IGF2: variants seen among roughly 807,000 people sequenced by gnomAD.
The protein encoded by IGF2 is insulin-like growth factor 2.
Under a neutral mutation model 12.0 loss-of-function variants are expected in IGF2, and 2 were observed. The ratio of observed to expected loss-of-function variants is 0.17; its 90% CI spans 0.07 to 0.52. IGF2 has a LOEUF of 0.52. Ranked by LOEUF, IGF2 falls within the 20% of genes least tolerant of loss-of-function variation. The pLI is 0.95. For synonymous variants in IGF2, 105 were observed against 110.1 expected, an observed-to-expected ratio of 0.95 and a Z score of 0.29; for missense variants, 211 against 268.0, an observed-to-expected ratio of 0.79 and a Z score of 1.48.
the IGF2 span, chr11:2,148,420 G>A: frequency 1.3e-5 from 2 of 152,744 alleles, no homozygotes; most frequent in Non-Finnish European, 2.9e-5. The surrounding 1 kb of genome is among the most constrained non-coding windows in gnomAD (Gnocchi z 4.3). Flanking sequence ...AAACTGCCTT[G>A]GCCCCAGGGC....
In IGF2 at chr11:2,133,993, T is replaced by A; in HGVS notation, c.158-328A>T. ...CTCACAATGGGAGTGGTTTGGAAAATGTGTGGGATGTGAGCCCAGTTCAGG... is the reference window on the plus strand; with the variant it reads ...CTCACAATGGGAGTGGTTTGGAAAAAGTGTGGGATGTGAGCCCAGTTCAGG... On this transcript the variant is annotated intron_variant, in intron 2 of 3. Coordinates refer to ENST00000416167, the MANE Select transcript of IGF2 (RefSeq NM_000612.6). The surrounding 1 kb of genome is among the most constrained non-coding windows in gnomAD (Gnocchi z 8.9). The A allele has an allele frequency of 2.2e-6, 1 of 454,432 alleles. No homozygotes were observed. The highest frequency in any genetic ancestry group is 4.1e-6 in the Non-Finnish European group (1 of 241,982). 28.1% of individuals were successfully genotyped at this position (454,432 alleles called of 1,614,324 possible).
chr11:2,147,922 T>A, the IGF2 span: 1 of 740,986 alleles, frequency 1.3e-6, no homozygotes. This position sits in a 1 kb window ranked among gnomAD's most constrained non-coding sequence, Gnocchi z 7.2. Context: ...TTCCTTCAGG[T>A]CACCTTGTCA....
upstream of IGF2, chr11:2,140,721 G>A (rs1859521625): frequency 7.2e-6 from 3 of 419,418 alleles, no homozygotes; most frequent in South Asian, 3.4e-5. Context: ...GTCCGCAGCC[G>A]TGTCCCGCGC....
chr11:2,133,186 T>C lies in IGF2; in HGVS notation c.344A>G (p.Gln115Arg). The change falls in exon 4 of 4, where the codon CAA (glutamine) becomes CGA (arginine). Residue 115 changes from glutamine (Q) to arginine (R), a missense_variant. Physicochemically the swap from Gln to Arg is conservative, Grantham distance 43. This residue lies in a region of IGF2 where 141 missense variants were observed against 153.1 expected (regional missense o/e 0.92). Transcript: ENST00000416167. This position sits in a 1 kb window ranked among gnomAD's most constrained non-coding sequence, Gnocchi z 8.9. ...FPRYPVGKFF[Q>R]YDTWKQSTQR... is the part of the protein sequence containing the mutation. ...GGTGGACTGCTTCCAGGTGTCATAT[T>C]GGAAGAACTTGCCCACGGGGTATCT... is the stretch of plus-strand genomic sequence containing the variant. 6.3e-7 allele frequency: 1 copy of C among 1,575,588 alleles called. No homozygotes were observed. Among genetic ancestry groups the C allele is most frequent in the Non-Finnish European group, 8.6e-7 (1 of 1,158,968 alleles).
In IGF2 at chr11:2,129,124, T is replaced by G. The variant is rs1323633577; in HGVS notation, c.*3863A>C. ...AGTGGAACACTCAGAAGATCATGAC[T>G]TTTAATGCTTTATTGGGATTGCAAG... On this transcript the variant is annotated 3_prime_UTR_variant, in exon 4 of 4. Coordinates refer to ENST00000416167, the MANE Select transcript of IGF2 (RefSeq NM_000612.6). This position sits in a 1 kb window ranked among gnomAD's most constrained non-coding sequence, Gnocchi z 8.1. 1 of 180,552 alleles carries G rather than the reference T, an allele frequency of 5.5e-6. No individual in the cohort carries two copies. The highest frequency in any genetic ancestry group is 6.3e-5 in the Admixed American group (1 of 15,904). The allele number at this position is 180,552 out of a possible 1,614,324, so 11.2% of individuals were successfully genotyped here. A position where few individuals can be genotyped will look rare whatever the true frequency, so the allele number is the denominator to read the frequency against.
upstream of IGF2, chr11:2,140,212 C>A (rs572035729): frequency 1.2e-6 from 2 of 1,613,286 alleles, no homozygotes; most frequent in Non-Finnish European, 8.5e-7. Context: ...ATAATGGTTA[C>A]CCCGTCCTCA....
Position 2,130,790 on chromosome 11 carries a change from C to G in IGF2, c.*2197G>C, listed in dbSNP as rs1858492072. Reference sequence around the variant, plus strand: ...CCCAGCCCCCACTGCCCCCCACCCACCCCTCCAACCGCCAGACTTCCCACA... The same window carrying G: ...CCCAGCCCCCACTGCCCCCCACCCAGCCCTCCAACCGCCAGACTTCCCACA... On this transcript the variant is annotated 3_prime_UTR_variant, in exon 4 of 4. Coordinates refer to ENST00000416167, the MANE Select transcript of IGF2 (RefSeq NM_000612.6). 5.4e-6 allele frequency: 1 copy of G among 184,124 alleles called. No individual in the cohort carries two copies. Among genetic ancestry groups the G allele is most frequent in the African/African-American group, 2.4e-5 (1 of 41,226 alleles). The allele number at this position is 184,124 out of a possible 1,614,324, so 11.4% of individuals were successfully genotyped here.
chr11:2,144,626 G>A (rs889252975), upstream of IGF2, among the ~76,000 whole-genome samples: 22 of 152,330 alleles, frequency 1.4e-4, no homozygotes, highest in Admixed American at 1.4e-3. Context: ...TGTCCACTCC[G>A]GCTGGGGAAA....
At chr11:2,136,563 A>T (rs3213217) in intron 1 of IGF2, among the ~76,000 whole-genome samples, 23,100 of 152,324 alleles carry the variant, frequency 0.15, 2,237 homozygotes, top group Non-Finnish European at 0.22. Flanking sequence ...CAGAAGGTGG[A>T]ACCCTCCAGG....
intron 1 of IGF2, chr11:2,137,296 G>T: frequency 2.0e-6 from 2 of 985,794 alleles, no homozygotes. Context: ...TTTGCAGGCT[G>T]GTCAGTGCCT....
rs1775662184 is a variant in IGF2 at position 2,133,732 on chromosome 11, AG to A, written c.158-68del. 1 of 1,582,154 alleles carries A rather than the reference AG, an allele frequency of 6.3e-7. No homozygotes were observed. Among genetic ancestry groups the A allele is most frequent in the Non-Finnish European group, 8.6e-7 (1 of 1,163,372 alleles). On this transcript the variant is annotated intron_variant, in intron 2 of 3. Transcript: ENST00000416167. This position sits in a 1 kb window ranked among gnomAD's most constrained non-coding sequence, Gnocchi z 8.9. ...ACTGACCCCAGCCCCCGGAGGCTGAAGGGGGAGCAAACCACCCCTGCCCTCA... is the reference window on the plus strand; with the variant it reads ...ACTGACCCCAGCCCCCGGAGGCTGAAGGGGAGCAAACCACCCCTGCCCTCA...
chr11:2,143,297 T>G (rs1341316503), upstream of IGF2, among the ~76,000 whole-genome samples: 1 of 141,338 alleles, frequency 7.1e-6, no homozygotes, highest in Non-Finnish European at 1.5e-5. Flanking sequence ...TGTGAATAGA[T>G]TTGCGGGACC....
chr11:2,133,414 C>T lies in IGF2; in HGVS notation c.306+103G>A. On this transcript the variant is annotated intron_variant, in intron 3 of 3. Transcript: ENST00000416167. This position sits in a 1 kb window ranked among gnomAD's most constrained non-coding sequence, Gnocchi z 8.9. ...ACAGCAAGCAAGGAAGTCACGGGTCCTTGTCCCTGGCCAAGAGGTCCCAGA... is the reference window on the plus strand; with the variant it reads ...ACAGCAAGCAAGGAAGTCACGGGTCTTTGTCCCTGGCCAAGAGGTCCCAGA... 1 of 1,341,476 alleles carries T rather than the reference C, an allele frequency of 7.5e-7. No homozygotes were observed. The highest frequency in any genetic ancestry group is 1.0e-6 in the Non-Finnish European group (1 of 990,766). 83.1% of individuals were successfully genotyped at this position (1,341,476 alleles called of 1,614,324 possible).
chr11:2,138,072 GTCCTCCTCC>G (rs559348953), intron 1 of IGF2, among the ~76,000 whole-genome samples, 148 bp downstream of exon 1: 2 of 149,792 alleles, frequency 1.3e-5, no homozygotes, highest in African/African-American at 2.5e-5. Context: ...GCAGCCGTCC[GTCCTCCTCC>G]TCCTCCTCCT....
chr11:2,138,718 C>T lies in IGF2; in HGVS notation c.-496G>A. The T allele has an allele frequency of 2.2e-6, 1 of 456,626 alleles. No individual in the cohort carries two copies. Among genetic ancestry groups the T allele is most frequent in the Non-Finnish European group, 2.6e-6 (1 of 390,740 alleles). The allele number at this position is 456,626 out of a possible 1,614,324, so 28.3% of individuals were successfully genotyped here. On this transcript the variant is annotated 5_prime_UTR_variant, in exon 1 of 4. Transcript: ENST00000416167. Reference sequence around the variant, plus strand: ...GGCGGGCGTGAGGGGGGGAGGGAGTCGGAGGCTAGGAGCTGGGGGGGACGG... The same window carrying T: ...GGCGGGCGTGAGGGGGGGAGGGAGTTGGAGGCTAGGAGCTGGGGGGGACGG...
chr11:2,140,993 C>T, upstream of IGF2: 1 of 267,066 alleles, frequency 3.7e-6, no homozygotes, highest in South Asian at 2.9e-5. Context: ...GGAGCAACGC[C>T]CAGTCCGTTG....
In IGF2 at chr11:2,135,528, G is replaced by A. The variant is rs768906240; in HGVS notation, c.-5C>T. ...CTTCCCCATTGGGATTCCCATTGGT[G>A]TCTGGGGGCGGGAGAGAAGTGGCGT... On this transcript the variant is annotated splice_region_variant and 5_prime_UTR_variant, in exon 2 of 4. Transcript: ENST00000416167. 1.2e-6 allele frequency: 2 copies of A among 1,612,574 alleles called. No individual in the cohort carries two copies. The highest frequency in any genetic ancestry group is 1.1e-5 in the South Asian group (1 of 90,920).
chr11:2,130,114 G>A lies in IGF2; in HGVS notation c.*2873C>T, dbSNP rs995997210. On this transcript the variant is annotated 3_prime_UTR_variant, in exon 4 of 4. Coordinates refer to ENST00000416167, the MANE Select transcript of IGF2 (RefSeq NM_000612.6). ...GAGGGGAGGGTTCCTCAAGTGTGCG[G>A]AAGGCGGCCACCCTGCCCCAGCCTG... 4.3e-6 allele frequency: 1 copy of A among 230,618 alleles called. No individual in the cohort carries two copies. The highest frequency in any genetic ancestry group is 8.6e-6 in the Non-Finnish European group (1 of 116,404). The allele number at this position is 230,618 out of a possible 1,614,324, so 14.3% of individuals were successfully genotyped here.
intron 1 of IGF2, among the ~76,000 whole-genome samples, chr11:2,137,556 C>T (rs929548223): frequency 6.6e-6 from 1 of 151,808 alleles, no homozygotes; most frequent in Non-Finnish European, 1.5e-5. Flanking sequence ...TTCCCACCTC[C>T]TTGTATGGAA....
Sources: allele counts gnomAD v4.1 joint callset (sites outside exome capture counted in the v4.1 genomes callset), GRCh38; gene constraint gnomAD v4.1.1; regional missense constraint gnomAD v4.1.1; non-coding constraint Gnocchi (gnomAD v3.1); transcripts MANE v1.5; gene names NCBI Gene and HGNC (gene_info 2026-07-23, HGNC 2026-07-21).